Variants in CSMD3 observed in about 807,000 individuals in gnomAD.
CSMD3 encodes the protein CUB and Sushi multiple domains 3.
CSMD3 carries 177 observed loss-of-function variants against 435.2 expected under a neutral mutation model. The observed-to-expected ratio is 0.41, with a 90% CI of 0.36 to 0.46. CSMD3 has a LOEUF of 0.46. Ranked by LOEUF, CSMD3 falls within the 20% of genes least tolerant of loss-of-function variation. CSMD3 has a pLI of 0.34. For synonymous variants in CSMD3, 1,656 were observed against 1,520.5 expected (o/e 1.09, Z -2.07); for missense variants, 4,265 against 4,504.6 (o/e 0.95, Z 1.52).
At chr8:112,242,932 A>G (rs1190151108) in intron 65 of CSMD3, among the ~76,000 whole-genome samples, 1 of 152,148 alleles carries the variant, frequency 6.6e-6, no homozygotes, top group East Asian at 1.9e-4. Flanking sequence ...ATGGCTAAGT[A>G]CTGCATCTTT....
intron 30 of CSMD3, among the ~76,000 whole-genome samples, chr8:112,502,796 A>G (rs1822110105): frequency 2.0e-5 from 3 of 152,208 alleles, no homozygotes; most frequent in Non-Finnish European, 4.4e-5. Flanking sequence ...GAAAATATTA[A>G]ACAAAAGGTG....
At chr8:113,044,235 A>G (rs1022830279) in intron 5 of CSMD3, among the ~76,000 whole-genome samples, 2 of 152,098 alleles carry the variant, frequency 1.3e-5, no homozygotes, top group African/African-American at 2.4e-5. Context: ...CACAAGACAG[A>G]ACAGAACATC....
chr8:112,828,182 G>T (rs1418808617), intron 12 of CSMD3, among the ~76,000 whole-genome samples: 1 of 152,134 alleles, frequency 6.6e-6, no homozygotes, highest in Non-Finnish European at 1.5e-5. Context: ...GTTCAGTATG[G>T]TAATATGCCT....
In CSMD3 at chr8:112,263,609, G is replaced by A. The variant is rs566967790; in HGVS notation, c.9862+30C>T. The A allele has an allele frequency of 6.9e-5, 110 of 1,602,392 alleles. No individual in the cohort carries two copies. In the East Asian group the frequency reaches 2.4e-3, roughly 34 times the overall value. ...GTCTAGAAAAATTTGAAAATTTTAA[G>A]TAACAGTTGTTAGTAGAAATCATAC... On this transcript the variant is annotated intron_variant, in intron 61 of 70. Transcript: ENST00000297405.
At chr8:112,847,641 ACT>A (rs1279237670) in intron 11 of CSMD3, among the ~76,000 whole-genome samples, 2 of 151,996 alleles carry the variant, frequency 1.3e-5, no homozygotes, top group Non-Finnish European at 2.9e-5. Flanking sequence ...CAGAAAAGTG[ACT>A]CTCTATGCCT....
rs955827519 is a variant in CSMD3, at chr8:112,237,290, T to C, written c.10527A>G (p.Gly3509=). ...CTGTTAAGGTCATGGGTTGTTTCCT[T>C]CCTTTGAAATTGTAAGAGCCTTTCC... ...YIWKGSYNFK[G]RKQPMTLTVT... is the part of the protein sequence containing the mutation. Residue 3509 remains glycine, a synonymous_variant, in exon 67 of 71, where the codon GGA becomes GGG. Coordinates refer to ENST00000297405, the MANE Select transcript of CSMD3 (RefSeq NM_198123.2). The C allele has an allele frequency of 1.9e-6, 3 of 1,613,328 alleles. No individual in the cohort carries two copies. Among genetic ancestry groups the C allele is most frequent in the Non-Finnish European group, 2.5e-6 (3 of 1,179,508 alleles).
At chr8:112,995,386 A>G (rs941657027) in intron 6 of CSMD3, among the ~76,000 whole-genome samples, 2 of 151,516 alleles carry the variant, frequency 1.3e-5, no homozygotes, top group Non-Finnish European at 3.0e-5. Flanking sequence ...AGTTGCTTCA[A>G]AGATATTAAA....
intron 27 of CSMD3, among the ~76,000 whole-genome samples, chr8:112,534,593 C>A (rs1414480957): frequency 6.6e-6 from 1 of 152,052 alleles, no homozygotes; most frequent in African/African-American, 2.4e-5. Context: ...CTAAATTCTA[C>A]CAGAGGTACA....
At chr8:112,237,452 A>T in intron 66 of CSMD3, 104 bp from the exon 67 acceptor site, 1 of 841,970 alleles carries the variant, frequency 1.2e-6, no homozygotes, top group Non-Finnish European at 2.0e-6. Context: ...TTGCTAATAC[A>T]CAATAATGTT....
chr8:113,240,719 A>C (rs115083095), intron 3 of CSMD3, among the ~76,000 whole-genome samples: 2,109 of 152,276 alleles, frequency 0.014, 48 homozygotes, highest in African/African-American at 0.048. Flanking sequence ...ATTTGTCCAT[A>C]TATTGCAACA....
chr8:113,238,156 C>A (rs372280409), intron 3 of CSMD3, among the ~76,000 whole-genome samples: 7 of 151,216 alleles, frequency 4.6e-5, no homozygotes, highest in African/African-American at 1.7e-4. Flanking sequence ...AGTAGAGATA[C>A]CACATTTGTT....
chr8:112,585,637 T>C (rs1240126661), intron 23 of CSMD3, among the ~76,000 whole-genome samples: 2 of 151,646 alleles, frequency 1.3e-5, no homozygotes, highest in Non-Finnish European at 3.0e-5. Context: ...ATGAATGAAT[T>C]TTAAGCATCA....
At chr8:112,693,644 A>G (rs2076188052) in intron 13 of CSMD3, among the ~76,000 whole-genome samples, 1 of 151,748 alleles carries the variant, frequency 6.6e-6, no homozygotes. Context: ...TATTTTTTCT[A>G]CTAGGTGCTC....
At chr8:112,539,621 A>C (rs775378973) in intron 27 of CSMD3, among the ~76,000 whole-genome samples, 2 of 152,112 alleles carry the variant, frequency 1.3e-5, no homozygotes, top group Non-Finnish European at 2.9e-5. Context: ...AAATCCATAC[A>C]TCTACAGCCA....
At chr8:112,231,766 C>A (rs10095093) in intron 68 of CSMD3, 134 bp from the exon 69 acceptor site, 239,131 of 673,974 alleles carry the variant, frequency 0.35, 46,234 homozygotes, top group African/African-American at 0.67. Context: ...TTCTCCTTTG[C>A]AAAATATAGC....
At chr8:113,089,726 C>T (rs929828266) in intron 5 of CSMD3, among the ~76,000 whole-genome samples, 6 of 152,070 alleles carry the variant, frequency 3.9e-5, no homozygotes, top group African/African-American at 1.4e-4. Context: ...GTGTCACTTG[C>T]CTTTCTTTAT....
intron 7 of CSMD3, among the ~76,000 whole-genome samples, 163 bp from the exon 8 acceptor site, chr8:112,954,924 TTAG>T (rs1049734058): frequency 6.6e-6 from 1 of 151,620 alleles, no homozygotes. Flanking sequence ...ATATAATCAC[TTAG>T]TAGTAAAATA....
intron 13 of CSMD3, among the ~76,000 whole-genome samples, chr8:112,797,697 T>C (rs1020071659): frequency 1.3e-4 from 19 of 151,848 alleles, no homozygotes; most frequent in Non-Finnish European, 2.7e-4. Context: ...AGCATGGTAA[T>C]TATGAAAATT....
intron 2 of CSMD3, among the ~76,000 whole-genome samples, chr8:113,306,625 A>C (rs1222455562): frequency 6.6e-6 from 1 of 152,160 alleles, no homozygotes. Flanking sequence ...TTTAATTGTG[A>C]GTATTAGGAA....
Sources: gnomAD v4.1 joint callset for allele counts (sites outside exome capture counted in the v4.1 genomes callset) on GRCh38, gnomAD v4.1.1 for gene constraint, MANE v1.5 for transcripts, NCBI Gene and HGNC (gene_info 2026-07-23, HGNC 2026-07-21) for gene names.